The following MAD1L1 variants were observed in gnomAD, a reference collection of about 807,000 sequenced individuals.
The protein encoded by MAD1L1 is mitotic arrest deficient 1 like 1.
In MAD1L1, 95 loss-of-function variants were observed where a neutral mutation model predicts 96.9. The ratio of observed to expected loss-of-function variants is 0.98; its 90% confidence interval spans 0.83 to 1.16. The LOEUF is 1.16. Among genes scored for constraint, MAD1L1 ranks in the 50% most tolerant of loss-of-function variants. MAD1L1 has a pLI of 0.00. For synonymous variants in MAD1L1, 473 were observed against 396.6 expected, an observed-to-expected ratio of 1.19 and a Z score of -2.29; for missense variants, 1,007 against 954.4, an observed-to-expected ratio of 1.06 and a Z score of -0.73.
intron 11 of MAD1L1, among the ~76,000 whole-genome samples, chr7:2,120,915 T>C (rs1364125798): frequency 3.3e-5 from 5 of 152,128 alleles, no homozygotes; most frequent in Non-Finnish European, 7.4e-5. Flanking sequence ...AGGAAGGTCT[T>C]CACCCCTGCA....
At chr7:1,930,598 C>A (rs1274734876) in intron 17 of MAD1L1, among the ~76,000 whole-genome samples, 1 of 146,770 alleles carries the variant, frequency 6.8e-6, no homozygotes, top group East Asian at 2.1e-4. Flanking sequence ...GCCCACCCCA[C>A]TGCCACGTGT....
chr7:1,999,057 AGT>A (rs1163567030), intron 14 of MAD1L1, among the ~76,000 whole-genome samples: 1 of 152,118 alleles, frequency 6.6e-6, no homozygotes, highest in Admixed American at 6.5e-5. Flanking sequence ...CACTCCACAG[AGT>A]CCCCACTAAC....
chr7:1,936,120 C>T (rs1403566551), intron 17 of MAD1L1, among the ~76,000 whole-genome samples: 1 of 152,218 alleles, frequency 6.6e-6, no homozygotes, highest in African/African-American at 2.4e-5. Flanking sequence ...GACACAGCCC[C>T]GGCAGCACCC....
intron 18 of MAD1L1, among the ~76,000 whole-genome samples, chr7:1,855,167 C>T (rs1251877763): frequency 1.3e-5 from 2 of 152,188 alleles, no homozygotes; most frequent in East Asian, 1.9e-4. Context: ...TCCAAGTCGA[C>T]AGCCTCCCTC....
chr7:2,033,394 C>T (rs886159352), intron 12 of MAD1L1, among the ~76,000 whole-genome samples: 2 of 152,182 alleles, frequency 1.3e-5, no homozygotes, highest in African/African-American at 2.4e-5. Context: ...CTGTGGGCCC[C>T]GAAGCAGTGG....
intron 12 of MAD1L1, among the ~76,000 whole-genome samples, chr7:2,048,106 A>G (rs776647842): frequency 4.6e-5 from 7 of 152,188 alleles, no homozygotes; most frequent in Non-Finnish European, 7.3e-5. Flanking sequence ...CAGCACAGAC[A>G]CGCACACAGT....
intron 12 of MAD1L1, among the ~76,000 whole-genome samples, chr7:2,044,856 A>G (rs947874409): frequency 6.6e-6 from 1 of 152,124 alleles, no homozygotes; most frequent in African/African-American, 2.4e-5. Flanking sequence ...CTCCTGTGCC[A>G]GTGGTGTAGA....
chr7:2,148,002 T>A (rs987207641), intron 11 of MAD1L1, among the ~76,000 whole-genome samples: 4 of 152,266 alleles, frequency 2.6e-5, no homozygotes, highest in African/African-American at 9.6e-5. Context: ...GATCGCCTGG[T>A]AAAGTGTGAA....
At chr7:1,953,567 G>C (rs1779594880) in intron 16 of MAD1L1, among the ~76,000 whole-genome samples, 1 of 152,258 alleles carries the variant, frequency 6.6e-6, no homozygotes, top group African/African-American at 2.4e-5. Context: ...CGCACACTGA[G>C]GCATTTAGAG....
intron 12 of MAD1L1, among the ~76,000 whole-genome samples, chr7:2,068,703 C>T (rs754752326): frequency 5.3e-5 from 8 of 152,232 alleles, no homozygotes; most frequent in Non-Finnish European, 1.2e-4. Flanking sequence ...CCTCTGCTCA[C>T]GGTGCCAGGC....
intron 14 of MAD1L1, among the ~76,000 whole-genome samples, chr7:1,989,450 C>T (rs1034521277): frequency 6.6e-6 from 1 of 152,218 alleles, no homozygotes. Context: ...TCCGGTGGGG[C>T]CGACAGGGAG....
chr7:1,982,712 T>C (rs762094843), intron 14 of MAD1L1, among the ~76,000 whole-genome samples: 1 of 152,232 alleles, frequency 6.6e-6, no homozygotes, highest in African/African-American at 2.4e-5. Context: ...CTTGTCTACT[T>C]TGGATGACTA....
chr7:1,932,460 G>A (rs1379037605), intron 17 of MAD1L1, among the ~76,000 whole-genome samples: 1 of 152,228 alleles, frequency 6.6e-6, no homozygotes, highest in African/African-American at 2.4e-5. Flanking sequence ...CTTGAACCCT[G>A]CAGATGCCCG....
At chr7:1,826,674 G>A (rs553019918) in intron 18 of MAD1L1, among the ~76,000 whole-genome samples, 7 of 152,370 alleles carry the variant, frequency 4.6e-5, no homozygotes, top group South Asian at 4.1e-4. Flanking sequence ...AGGGCCTGGC[G>A]GCAACTGGGT....
chr7:1,873,354 G>T (rs996957264), intron 18 of MAD1L1, among the ~76,000 whole-genome samples: 5 of 152,290 alleles, frequency 3.3e-5, no homozygotes, highest in Admixed American at 1.3e-4. Context: ...ATTACAGCAA[G>T]AGGGTGGGAG....
intron 18 of MAD1L1, among the ~76,000 whole-genome samples, chr7:1,842,819 G>A (rs991682395): frequency 2.0e-5 from 3 of 152,348 alleles, no homozygotes; most frequent in Admixed American, 1.3e-4. Flanking sequence ...GCACAGCTGC[G>A]TCCCACATGT....
At chr7:2,174,313 C>T (rs1363986866) in intron 10 of MAD1L1, among the ~76,000 whole-genome samples, 6 of 152,182 alleles carry the variant, frequency 3.9e-5, no homozygotes, top group African/African-American at 1.2e-4. Context: ...TCCTGATTCC[C>T]GCTTCGTATG....
chr7:2,231,282 G>T (rs950978237), intron 1 of MAD1L1, among the ~76,000 whole-genome samples: 3 of 150,532 alleles, frequency 2.0e-5, no homozygotes, highest in Admixed American at 2.0e-4. Flanking sequence ...TGGGTAACGG[G>T]GTGAGACAGT....
At chr7:1,946,095 G>A (rs1340440767) in intron 16 of MAD1L1, among the ~76,000 whole-genome samples, 1 of 152,196 alleles carries the variant, frequency 6.6e-6, no homozygotes, top group African/African-American at 2.4e-5. Flanking sequence ...CGGATGTGGG[G>A]TGGGCTCTGC....
Sources: allele counts gnomAD v4.1 joint callset (sites outside exome capture counted in the v4.1 genomes callset), GRCh38; gene constraint gnomAD v4.1.1; transcripts MANE v1.5; gene names NCBI Gene and HGNC (gene_info 2026-07-23, HGNC 2026-07-21).